Variants in HEATR4 observed in about 807,000 individuals in gnomAD.
The protein encoded by HEATR4 is HEAT repeat-containing protein 4.
HEATR4 carries 95 observed loss-of-function variants against 108.8 expected under a neutral mutation model. That is an observed-to-expected ratio of 0.87 (90% CI 0.74 to 1.04). The LOEUF (loss-of-function observed/expected upper bound fraction) is 1.04, where lower values mean the gene tolerates loss of function less well. HEATR4 is among the 50% of genes least tolerant of loss of function. The pLI is 0.00. For missense variants in HEATR4, 1,152 were observed against 1,253.8 expected, an observed-to-expected ratio of 0.92 and a Z score of 1.23; for synonymous variants, 443 against 459.4, an observed-to-expected ratio of 0.96 and a Z score of 0.46.
the HEATR4 span, among the ~76,000 whole-genome samples, chr14:73,585,312 GCCT>G: frequency 1.3e-5 from 2 of 152,140 alleles, no homozygotes; most frequent in Non-Finnish European, 2.9e-5. Context: ...TAGGACACAA[GCCT>G]CCTGCTCAGG....
At chr14:73,486,981 TTCCTGGCCC>T (rs1885474609) in intron 17 of HEATR4, among the ~76,000 whole-genome samples, 1 of 152,042 alleles carries the variant, frequency 6.6e-6, no homozygotes, top group Admixed American at 6.6e-5. Flanking sequence ...GAATGTCAAG[TTCCTGGCCC>T]AGCGCGATGG....
Position 73,493,255 on chromosome 14 carries a change from G to C in HEATR4, c.2786-131C>G, listed in dbSNP as rs1401751734. 7.1e-6 allele frequency: 5 copies of C among 708,058 alleles called. No homozygotes were observed. The African/African-American group carries it at 9.0e-5, about 13-fold the overall frequency. 43.9% of individuals were successfully genotyped at this position (708,058 alleles called of 1,614,324 possible). On this transcript the variant is annotated intron_variant, in intron 16 of 17. Transcript: ENST00000553558. ...TAACACTGACCATGTCGTTCTGCTT[G>C]AGACAGATATTAGATTTTTTTTGGA...
At chr14:73,577,599 A>G in the HEATR4 span, among the ~76,000 whole-genome samples, 4 of 150,958 alleles carry the variant, frequency 2.6e-5, no homozygotes, top group African/African-American at 7.3e-5. Flanking sequence ...GAAAAGTGCA[A>G]TAGTTAAAAC....
the HEATR4 span, among the ~76,000 whole-genome samples, chr14:73,585,329 C>A: frequency 6.6e-6 from 1 of 152,270 alleles, no homozygotes; most frequent in Non-Finnish European, 1.5e-5. Context: ...GCTCAGGACA[C>A]TTTCTGGGGT....
At chr14:73,543,814 T>G in intron 1 of HEATR4, 6 of 302,006 alleles carry the variant, frequency 2.0e-5, no homozygotes, top group Non-Finnish European at 3.5e-5. Context: ...TTTTTAAGAT[T>G]TTTATAAACT....
At chr14:73,569,852 C>T in the HEATR4 span, 2 of 1,604,734 alleles carry the variant, frequency 1.2e-6, no homozygotes, top group Non-Finnish European at 1.7e-6. Flanking sequence ...TGCGCGTGGG[C>T]CGGGTGCGAG....
chr14:73,528,346 C>T (rs1595143723), intron 2 of HEATR4, among the ~76,000 whole-genome samples: 4 of 143,454 alleles, frequency 2.8e-5, no homozygotes, highest in Admixed American at 7.4e-5. Flanking sequence ...GAGCCAAGAT[C>T]GCGCCACTGG....
chr14:73,570,413 C>G, the HEATR4 span, among the ~76,000 whole-genome samples: 42 of 151,838 alleles, frequency 2.8e-4, 1 homozygote, highest in Middle Eastern at 3.4e-3. Context: ...ACTAAAAATA[C>G]AAAACAGTAG....
At chr14:73,555,737 C>A (rs1317698284) in intron 1 of HEATR4, among the ~76,000 whole-genome samples, 1 of 115,606 alleles carries the variant, frequency 8.7e-6, no homozygotes, top group Non-Finnish European at 1.9e-5. Flanking sequence ...GTGGGTGGCT[C>A]ACGCCTGTAA....
chr14:73,576,210 AG>A, the HEATR4 span, among the ~76,000 whole-genome samples: 1 of 151,970 alleles, frequency 6.6e-6, no homozygotes. Flanking sequence ...CTACTGTGGA[AG>A]AAAAGCACAT....
the HEATR4 span, among the ~76,000 whole-genome samples, chr14:73,615,929 G>A: frequency 6.6e-6 from 1 of 152,064 alleles, no homozygotes; most frequent in East Asian, 1.9e-4. Context: ...GCCAAGCATA[G>A]GGGCCTAGCT....
At chr14:73,504,276 T>C (rs1405246390) in intron 10 of HEATR4, among the ~76,000 whole-genome samples, 1 of 148,544 alleles carries the variant, frequency 6.7e-6, no homozygotes, top group Non-Finnish European at 1.5e-5. Flanking sequence ...GGAGCCTCGC[T>C]CTGTTGCCCA....
the HEATR4 span, among the ~76,000 whole-genome samples, chr14:73,632,308 C>T: frequency 7.2e-4 from 110 of 152,110 alleles, no homozygotes; most frequent in South Asian, 3.1e-3. Context: ...TATATCAATA[C>T]TTTCTTCACT....
chr14:73,569,588 C>A, the HEATR4 span: 11 of 1,601,224 alleles, frequency 6.9e-6, no homozygotes, highest in South Asian at 1.1e-4. Flanking sequence ...GCTACCGCGC[C>A]GACACTCTTG....
At chr14:73,569,350 GC>G in the HEATR4 span, 1 of 1,614,014 alleles carries the variant, frequency 6.2e-7, no homozygotes, top group Non-Finnish European at 8.5e-7. Context: ...TACCAATGGA[GC>G]CTGAAGAGTT....
the HEATR4 span, chr14:73,582,083 C>G: frequency 8.2e-6 from 1 of 121,672 alleles, no homozygotes; most frequent in East Asian, 2.4e-4. Flanking sequence ...TTCCCAGCCC[C>G]TCAGAACAGC....
At chr14:73,529,720 A>C (rs1888590002) in intron 2 of HEATR4, among the ~76,000 whole-genome samples, 1 of 152,204 alleles carries the variant, frequency 6.6e-6, no homozygotes, top group Non-Finnish European at 1.5e-5. Context: ...AAGTGGTCAA[A>C]GTAGGTTGAG....
chr14:73,501,066 C>T (rs1886422432), intron 11 of HEATR4, among the ~76,000 whole-genome samples: 1 of 152,146 alleles, frequency 6.6e-6, no homozygotes, highest in Admixed American at 6.6e-5. Flanking sequence ...ATTTGGCTTC[C>T]AGCCTGGAAT....
At chr14:73,569,279 T>G in the HEATR4 span, 18 of 1,613,886 alleles carry the variant, frequency 1.1e-5, 1 homozygote, top group Admixed American at 1.7e-5. Context: ...CCCATTCAGT[T>G]GTTCTCAGGT....
Sources: gnomAD v4.1 joint callset for allele counts (sites outside exome capture counted in the v4.1 genomes callset) on GRCh38, gnomAD v4.1.1 for gene constraint, MANE v1.5 for transcripts, NCBI Gene and HGNC (gene_info 2026-07-23, HGNC 2026-07-21) for gene names.